Variants in RTL9 observed in about 807,000 individuals in gnomAD.
RTL9 encodes the protein retrotransposon Gag like 9.
A neutral mutation model predicts 44.7 loss-of-function variants in RTL9; 19 were observed. The observed-to-expected ratio is 0.42, with a 90% CI of 0.30 to 0.62. The LOEUF is 0.62. RTL9 is among the 20% of genes least tolerant of loss of function. The pLI, the probability that RTL9 is intolerant of heterozygous loss-of-function variation, is 0.16. For missense variants in RTL9, 1,105 were observed against 1,080.6 expected (o/e 1.02, Z -0.32); for synonymous variants, 407 against 398.9 (o/e 1.02, Z -0.24).
chrX:110,403,718 C>T (rs1273047993), intron 1 of RTL9, among the ~76,000 whole-genome samples: 1 of 112,058 alleles, frequency 8.9e-6, no homozygotes. Context: ...CATTTGGCAG[C>T]GCAACTTGAA....
chrX:110,365,174 G>T (rs1369592983), intron 1 of RTL9, among the ~76,000 whole-genome samples: 1 of 111,792 alleles, frequency 8.9e-6, no homozygotes, highest in Admixed American at 9.5e-5. Flanking sequence ...TCCACTGAGT[G>T]ACACCTGGGG....
chrX:110,386,603 T>C (rs1318000207), intron 1 of RTL9, among the ~76,000 whole-genome samples: 1 of 112,204 alleles, frequency 8.9e-6, no homozygotes, highest in Non-Finnish European at 1.9e-5. Context: ...AGATATATGT[T>C]TGTGAATATT....
intron 1 of RTL9, among the ~76,000 whole-genome samples, chrX:110,404,930 T>C (rs1426797690): frequency 8.9e-6 from 1 of 111,886 alleles, no homozygotes; most frequent in Non-Finnish European, 1.9e-5. Context: ...CGGAAGCAAA[T>C]TCTGTCATCC....
intron 1 of RTL9, among the ~76,000 whole-genome samples, chrX:110,376,018 A>G (rs1340472035): frequency 9.0e-6 from 1 of 111,651 alleles, no homozygotes; most frequent in African/African-American, 3.3e-5. Flanking sequence ...AGGTAGTCAC[A>G]TTCTCATTTT....
upstream of RTL9, among the ~76,000 whole-genome samples, chrX:110,418,090 T>G (rs951618819): frequency 5.3e-5 from 6 of 112,420 alleles, no homozygotes; most frequent in African/African-American, 1.9e-4. Flanking sequence ...AGAAGGGATA[T>G]TCTGAGCAAA....
intron 1 of RTL9, among the ~76,000 whole-genome samples, chrX:110,435,470 A>G (rs1257070310): frequency 8.9e-6 from 1 of 112,094 alleles, no homozygotes; most frequent in Non-Finnish European, 1.9e-5. Flanking sequence ...CTGGTCTCCT[A>G]GGAGTCCTAA....
intron 1 of RTL9, among the ~76,000 whole-genome samples, chrX:110,362,730 G>A (rs2068272551): frequency 8.9e-6 from 1 of 111,773 alleles, no homozygotes; most frequent in African/African-American, 3.2e-5. Context: ...ATCTCTTACA[G>A]GCACTAAAGA....
Position 110,454,089 on chromosome X carries a change from G to T in RTL9, c.3472G>T (p.Ala1158Ser). 4.9e-6 allele frequency: 6 copies of T among 1,212,182 alleles called. No individual in the cohort carries two copies. In the South Asian group the frequency reaches 1.1e-4, roughly 21 times the overall value. ...CTACCTCTTAGAAGAGCAGGAAGCAGCCCGGGGCTCATGCTCTGTGGAGGA... is the reference window on the plus strand; with the variant it reads ...CTACCTCTTAGAAGAGCAGGAAGCATCCCGGGGCTCATGCTCTGTGGAGGA... The change falls in exon 1 of 2, where the codon GCC (alanine) becomes TCC (serine). Residue 1158 changes from alanine to serine, a missense_variant. Transcript: ENST00000540313.
chrX:110,419,958 T>G (rs1355786804), intron 1 of RTL9, among the ~76,000 whole-genome samples: 1 of 112,248 alleles, frequency 8.9e-6, no homozygotes, highest in Non-Finnish European at 1.9e-5. Flanking sequence ...TCAACTCTAT[T>G]ATTAGCTCCA....
chrX:110,383,761 A>G (rs2068436018), intron 1 of RTL9, among the ~76,000 whole-genome samples: 1 of 111,888 alleles, frequency 8.9e-6, no homozygotes. Context: ...GATAGAATTA[A>G]TTAATCGTCC....
At chrX:110,411,941 G>A (rs1167983047) in intron 1 of RTL9, among the ~76,000 whole-genome samples, 2 of 112,345 alleles carry the variant, frequency 1.8e-5, no homozygotes, top group East Asian at 5.5e-4. Context: ...TTGAAGGAAG[G>A]AATAAACGAG....
intron 1 of RTL9, among the ~76,000 whole-genome samples, chrX:110,395,079 T>C (rs1269374253): frequency 8.9e-6 from 1 of 112,676 alleles, no homozygotes; most frequent in Non-Finnish European, 1.9e-5. Flanking sequence ...GCATTTGTCA[T>C]GGAAGGTGGG....
At chrX:110,388,141 A>C (rs996593976) in intron 1 of RTL9, among the ~76,000 whole-genome samples, 3 of 111,584 alleles carry the variant, frequency 2.7e-5, no homozygotes, top group Non-Finnish European at 3.8e-5. Flanking sequence ...TGTTGGGATT[A>C]CAGGCGTGAG....
intron 1 of RTL9, among the ~76,000 whole-genome samples, chrX:110,391,338 T>C (rs938031526): frequency 2.7e-5 from 3 of 111,976 alleles, no homozygotes; most frequent in Non-Finnish European, 3.8e-5. Flanking sequence ...ATCATTGTTT[T>C]CCCAACCATC....
At chrX:110,440,807 G>A (rs2068874733) in intron 1 of RTL9, among the ~76,000 whole-genome samples, 2 of 112,381 alleles carry the variant, frequency 1.8e-5, no homozygotes, top group African/African-American at 6.5e-5. Flanking sequence ...ACAGAGAAGA[G>A]CAAACAGTAG....
At chrX:110,413,074 T>C (rs933158479) in intron 1 of RTL9, among the ~76,000 whole-genome samples, 2 of 111,475 alleles carry the variant, frequency 1.8e-5, no homozygotes, top group Non-Finnish European at 3.8e-5. Flanking sequence ...TCCCTGCTCG[T>C]CATCTGTCCT....
At chrX:110,392,276 T>G (rs2068499406) in intron 1 of RTL9, among the ~76,000 whole-genome samples, 1 of 101,399 alleles carries the variant, frequency 9.9e-6, no homozygotes, top group African/African-American at 3.6e-5. Context: ...CCACAGGTTT[T>G]TTTTTTTTTT....
intron 1 of RTL9, among the ~76,000 whole-genome samples, chrX:110,361,170 C>A (rs2068261029): frequency 9.0e-6 from 1 of 111,241 alleles, no homozygotes; most frequent in Non-Finnish European, 1.9e-5. Flanking sequence ...CCCCGTCTCC[C>A]TAAATACCAA....
At chrX:110,421,283 T>C (rs973344707) in intron 1 of RTL9, among the ~76,000 whole-genome samples, 3 of 112,685 alleles carry the variant, frequency 2.7e-5, no homozygotes, top group African/African-American at 9.7e-5. Context: ...AGGTGAGAGA[T>C]GCTTGCTTTT....
Sources: allele counts gnomAD v4.1 joint callset (sites outside exome capture counted in the v4.1 genomes callset), GRCh38; gene constraint gnomAD v4.1.1; transcripts MANE v1.5; gene names NCBI Gene and HGNC (gene_info 2026-07-23, HGNC 2026-07-21).